FBXL4: variants seen among roughly 807,000 people sequenced by gnomAD.
FBXL4 encodes the protein F-box and leucine rich repeat protein 4, also known as F-box/LRR-repeat protein 4.
FBXL4 carries 40 observed loss-of-function variants against 58.9 expected under a neutral mutation model. That is an observed-to-expected ratio of 0.68 (90% CI 0.53 to 0.88). The LOEUF (loss-of-function observed/expected upper bound fraction) is 0.88. Among genes scored for constraint, FBXL4 ranks in the 40% least tolerant of loss-of-function variants. The pLI, the probability that FBXL4 is intolerant of heterozygous loss-of-function variation, is 0.00. For missense variants in FBXL4, 676 were observed against 734.4 expected (o/e 0.92, Z 0.92); for synonymous variants, 263 against 265.5 (o/e 0.99, Z 0.09).
chr6:98,886,137 CGT>C (rs1295441852), intron 7 of FBXL4, among the ~76,000 whole-genome samples: 1 of 152,154 alleles, frequency 6.6e-6, no homozygotes, highest in Non-Finnish European at 1.5e-5. Context: ...CCACAGAAAA[CGT>C]GTGAGATAAT....
intron 1 of FBXL4, among the ~76,000 whole-genome samples, chr6:98,944,297 A>G (rs1159925879): frequency 1.3e-5 from 2 of 152,218 alleles, no homozygotes; most frequent in East Asian, 3.8e-4. Context: ...AGACTATGAG[A>G]AAATACTAGC....
chr6:98,919,417 T>C (rs189533553), intron 4 of FBXL4, among the ~76,000 whole-genome samples: 2 of 152,282 alleles, frequency 1.3e-5, no homozygotes, highest in African/African-American at 2.4e-5. Context: ...AGTATTTGTA[T>C]TCAGAGGCAA....
At chr6:98,917,082 A>T (rs1772388322) in intron 5 of FBXL4, among the ~76,000 whole-genome samples, 1 of 152,172 alleles carries the variant, frequency 6.6e-6, no homozygotes, top group South Asian at 2.1e-4. Flanking sequence ...AATATGAATT[A>T]AAGTGGATTG....
intron 1 of FBXL4, among the ~76,000 whole-genome samples, chr6:98,945,178 G>A (rs559102059): frequency 2.4e-4 from 36 of 152,274 alleles, no homozygotes; most frequent in African/African-American, 8.4e-4. Context: ...GAACTAACAT[G>A]CAAACATGAC....
chr6:98,918,239 T>C lies in FBXL4; in HGVS notation c.513-520A>G, dbSNP rs573877039. ...ATCAAATTTTTCAAGAAACTGTTTC[T>C]TGTATATGCCCTTCTCCTGAATTTC... On this transcript the variant is annotated intron_variant, in intron 4 of 9. Coordinates refer to ENST00000369244, the MANE Select transcript of FBXL4 (RefSeq NM_001278716.2). Among the ~76,000 whole-genome samples the C allele has an allele frequency of 8.5e-5, 13 of 152,324 alleles. No individual in the cohort carries two copies. In the South Asian group the frequency reaches 2.1e-3, roughly 24 times the overall value.
intron 1 of FBXL4, among the ~76,000 whole-genome samples, chr6:98,937,477 GGAAGA>G (rs1773265010): frequency 6.6e-6 from 1 of 152,068 alleles, no homozygotes; most frequent in Non-Finnish European, 1.5e-5. Context: ...AAAATCATAA[GGAAGA>G]GAAAATATAT....
At chr6:98,885,164 C>G (rs1009827844) in intron 7 of FBXL4, among the ~76,000 whole-genome samples, 2 of 152,136 alleles carry the variant, frequency 1.3e-5, no homozygotes, top group African/African-American at 4.8e-5. Context: ...AGTGTAGTGG[C>G]ACAATCTCAG....
chr6:98,936,388 T>C (rs559165579), intron 1 of FBXL4, among the ~76,000 whole-genome samples: 19 of 152,336 alleles, frequency 1.2e-4, no homozygotes, highest in South Asian at 8.3e-4. Context: ...TCCAGAATTA[T>C]ATGAAAGTGA....
chr6:98,932,016 A>C (rs1230120396), intron 2 of FBXL4, among the ~76,000 whole-genome samples: 1 of 152,240 alleles, frequency 6.6e-6, no homozygotes, highest in Non-Finnish European at 1.5e-5. Context: ...GGAGAATGGG[A>C]TTCAAAGATA....
At position 98,881,339 on chromosome 6, in the gene FBXL4, A is replaced by G. The variant is rs1468333245; in HGVS notation, c.1318-715T>C. On this transcript the variant is annotated intron_variant, in intron 7 of 9. Coordinates refer to ENST00000369244, the MANE Select transcript of FBXL4 (RefSeq NM_001278716.2). ...TGGCACCCTAAAATATTTTTTTAAA[A>G]AAGTCTGCTATGAAAAATTGTGAAA... Among the ~76,000 whole-genome samples the G allele has an allele frequency of 2.6e-5, 4 of 152,232 alleles. No individual in the cohort carries two copies. The East Asian group carries it at 7.7e-4, about 29-fold the overall frequency.
chr6:98,889,685 A>T (rs1771157513), intron 7 of FBXL4, among the ~76,000 whole-genome samples: 3 of 151,014 alleles, frequency 2.0e-5, no homozygotes. Context: ...TCTCAAAAAA[A>T]AAAAAAAAAA....
intron 1 of FBXL4, 110 bp downstream of exon 1, chr6:98,947,696 C>A: frequency 6.6e-6 from 1 of 152,102 alleles, no homozygotes; most frequent in South Asian, 2.0e-4. Flanking sequence ...GCCAGGCGTC[C>A]AGACTCCCCA....
At chr6:98,882,310 T>A (rs559499491) in intron 7 of FBXL4, among the ~76,000 whole-genome samples, 65 of 152,166 alleles carry the variant, frequency 4.3e-4, no homozygotes, top group Non-Finnish European at 9.0e-4. Flanking sequence ...AGAGGTAAAC[T>A]TTATCATGAC....
intron 5 of FBXL4, among the ~76,000 whole-genome samples, chr6:98,910,804 C>G (rs1246429423): frequency 6.6e-6 from 1 of 152,128 alleles, no homozygotes; most frequent in South Asian, 2.1e-4. Flanking sequence ...TTCATCTCAC[C>G]AGGGAGTGCC....
intron 7 of FBXL4, chr6:98,898,786 G>C (rs1771497833): frequency 1.0e-6 from 1 of 985,178 alleles, no homozygotes; most frequent in African/African-American, 1.7e-5. Context: ...ACATGTCCTA[G>C]AGATATTAGT....
chr6:98,913,829 A>C (rs1301638565), intron 5 of FBXL4, among the ~76,000 whole-genome samples: 4 of 152,230 alleles, frequency 2.6e-5, no homozygotes, highest in African/African-American at 9.6e-5. Flanking sequence ...GCAGAACTGA[A>C]GGAAATAGAG....
chr6:98,895,326 C>T (rs1332512708), intron 7 of FBXL4, among the ~76,000 whole-genome samples: 5 of 152,074 alleles, frequency 3.3e-5, no homozygotes, highest in Non-Finnish European at 5.9e-5. Context: ...ACAAAAAATC[C>T]GTTTTCCTGC....
intron 5 of FBXL4, among the ~76,000 whole-genome samples, chr6:98,913,109 T>G (rs143662364): frequency 1.1e-4 from 17 of 152,160 alleles, no homozygotes; most frequent in South Asian, 2.1e-4. Context: ...AAGGGATCAA[T>G]TCAACAAGAA....
chr6:98,907,762 T>A (rs912846266), intron 5 of FBXL4, among the ~76,000 whole-genome samples: 5 of 152,222 alleles, frequency 3.3e-5, no homozygotes, highest in African/African-American at 1.2e-4. Context: ...TATTTTGTTA[T>A]CTAGGCTCAG....
Sources: gnomAD v4.1 joint callset for allele counts (sites outside exome capture counted in the v4.1 genomes callset) on GRCh38, gnomAD v4.1.1 for gene constraint, MANE v1.5 for transcripts, NCBI Gene and HGNC (gene_info 2026-07-23, HGNC 2026-07-21) for gene names.